DIP2B: variants seen among roughly 807,000 people sequenced by gnomAD.
DIP2B encodes the protein disco-interacting protein 2 homolog B.
In DIP2B, 76 loss-of-function variants were observed where a neutral mutation model predicts 198.0. The observed-to-expected ratio is 0.38, with a 90% CI of 0.32 to 0.46. DIP2B has a LOEUF of 0.46. Ranked by LOEUF, DIP2B falls within the 20% of genes least tolerant of loss-of-function variation. DIP2B has a pLI of 0.99. For missense variants in DIP2B, 1,559 were observed against 1,978.4 expected (o/e 0.79, Z 4.02); for synonymous variants, 701 against 739.1 (o/e 0.95, Z 0.84).
At chr12:50,693,476 GAAAA>G (rs139977961) in intron 14 of DIP2B, among the ~76,000 whole-genome samples, 27 of 151,612 alleles carry the variant, frequency 1.8e-4, no homozygotes, top group Non-Finnish European at 7.4e-5. Flanking sequence ...GGTGGAGAGA[GAAAA>G]AAAATACAGG....
intron 19 of DIP2B, among the ~76,000 whole-genome samples, chr12:50,702,856 A>G (rs1366083805): frequency 1.3e-5 from 2 of 152,260 alleles, no homozygotes; most frequent in East Asian, 3.9e-4. Flanking sequence ...ACGAAGGAAA[A>G]GAAATTCAGA....
intron 30 of DIP2B, among the ~76,000 whole-genome samples, chr12:50,728,995 G>A (rs1325867098): frequency 6.6e-6 from 1 of 152,196 alleles, no homozygotes; most frequent in African/African-American, 2.4e-5. Flanking sequence ...AATATGTCAT[G>A]CTTTGACAGC....
chr12:50,553,952 G>A (rs1033391283), intron 1 of DIP2B, among the ~76,000 whole-genome samples: 4 of 151,932 alleles, frequency 2.6e-5, no homozygotes, highest in Non-Finnish European at 4.4e-5. Flanking sequence ...GTGCGCTTGG[G>A]CTGTTTTCCT....
chr12:50,696,998 C>T (rs932795444), intron 16 of DIP2B, 63 bp from the exon 17 acceptor site: 3 of 1,245,374 alleles, frequency 2.4e-6, no homozygotes, highest in Non-Finnish European at 3.5e-6. Context: ...TATTCTTTAC[C>T]ATTTTCCTAC....
At chr12:50,661,577 A>C (rs1938648325) in intron 4 of DIP2B, among the ~76,000 whole-genome samples, 1 of 152,200 alleles carries the variant, frequency 6.6e-6, no homozygotes, top group African/African-American at 2.4e-5. Flanking sequence ...GGGTACCTCT[A>C]GCCGGCTATC....
chr12:50,704,730 C>T (rs1025877222), intron 20 of DIP2B, among the ~76,000 whole-genome samples: 8 of 152,038 alleles, frequency 5.3e-5, no homozygotes, highest in East Asian at 1.9e-4. Context: ...TTTGGGAGGC[C>T]GAGGTGGGCG....
At chr12:50,629,380 C>T (rs190202614) in intron 2 of DIP2B, among the ~76,000 whole-genome samples, 2 of 152,264 alleles carry the variant, frequency 1.3e-5, no homozygotes, top group African/African-American at 4.8e-5. Flanking sequence ...TGCAGGGCCC[C>T]ATTTTCAGGT....
intron 17 of DIP2B, among the ~76,000 whole-genome samples, chr12:50,697,522 A>G (rs1380717965): frequency 2.2e-5 from 3 of 134,190 alleles, no homozygotes; most frequent in Non-Finnish European, 4.7e-5. Flanking sequence ...GTGTGTGTGT[A>G]TATAGATATA....
intron 1 of DIP2B, among the ~76,000 whole-genome samples, chr12:50,547,994 A>G (rs1482842019): frequency 6.6e-6 from 1 of 152,198 alleles, no homozygotes; most frequent in Non-Finnish European, 1.5e-5. Flanking sequence ...GTTTGAGCCT[A>G]GTAGTCCAAG....
intron 1 of DIP2B, among the ~76,000 whole-genome samples, chr12:50,524,986 G>T (rs1958150257): frequency 6.6e-6 from 1 of 152,156 alleles, no homozygotes; most frequent in Admixed American, 6.6e-5. Context: ...TTGGTGCCCT[G>T]CAGAGTGTTG....
chr12:50,715,438 A>G (rs549586622), intron 23 of DIP2B, among the ~76,000 whole-genome samples: 1 of 152,280 alleles, frequency 6.6e-6, no homozygotes, highest in African/African-American at 2.4e-5. Context: ...TTCAAGGCAG[A>G]TGGCAGAAGC....
chr12:50,644,403 C>T (rs528315741), intron 3 of DIP2B, among the ~76,000 whole-genome samples: 1 of 152,260 alleles, frequency 6.6e-6, no homozygotes, highest in Non-Finnish European at 1.5e-5. Context: ...AAAAATAAAA[C>T]AGGACATTAA....
intron 1 of DIP2B, among the ~76,000 whole-genome samples, chr12:50,580,298 A>T (rs375349000): frequency 6.7e-6 from 1 of 148,722 alleles, no homozygotes; most frequent in East Asian, 2.4e-4. Flanking sequence ...ATTCATTCTA[A>T]TTATCTCCAG....
rs370910239 is a variant in DIP2B, at chr12:50,686,689, C to T, written c.1551+7C>T. 4.8e-5 allele frequency: 77 copies of T among 1,610,872 alleles called. No homozygotes were observed. In the African/African-American group the frequency reaches 9.1e-4, roughly 19 times the overall value. On this transcript the variant is annotated splice_region_variant and intron_variant, in intron 12 of 37. Transcript: ENST00000301180. ...AGAACCGGCATACATTGAGGTAAGT[C>T]CTAAGATGTAAAATATGCTTTCAGG...
intron 1 of DIP2B, among the ~76,000 whole-genome samples, chr12:50,545,968 A>G (rs976641855): frequency 1.3e-5 from 2 of 152,162 alleles, no homozygotes; most frequent in African/African-American, 4.8e-5. Flanking sequence ...TGTGTATAGC[A>G]TGGTAGAAAT....
chr12:50,614,720 C>T (rs1021551317), intron 1 of DIP2B, among the ~76,000 whole-genome samples: 1 of 152,188 alleles, frequency 6.6e-6, no homozygotes, highest in Non-Finnish European at 1.5e-5. Context: ...AGTCTCTGGA[C>T]ACTGGGACTT....
intron 33 of DIP2B, among the ~76,000 whole-genome samples, chr12:50,734,827 G>T (rs1388907732): frequency 1.3e-5 from 2 of 152,264 alleles, no homozygotes; most frequent in Middle Eastern, 3.4e-3. Flanking sequence ...CATAAAAGGG[G>T]GCTTGCTACT....
At chr12:50,597,080 G>A (rs1279590226) in intron 1 of DIP2B, among the ~76,000 whole-genome samples, 2 of 151,938 alleles carry the variant, frequency 1.3e-5, no homozygotes, top group African/African-American at 4.8e-5. Flanking sequence ...TGGCCTTTTA[G>A]GCAAAACAAG....
intron 1 of DIP2B, among the ~76,000 whole-genome samples, chr12:50,571,585 C>T (rs958412653): frequency 8.1e-6 from 1 of 124,114 alleles, no homozygotes; most frequent in Non-Finnish European, 1.6e-5. Flanking sequence ...CGGAGTCTCA[C>T]TCTGTCACCT....
Sources: allele counts gnomAD v4.1 joint callset (sites outside exome capture counted in the v4.1 genomes callset), GRCh38; gene constraint gnomAD v4.1.1; transcripts MANE v1.5; gene names NCBI Gene and HGNC (gene_info 2026-07-23, HGNC 2026-07-21).